Variants in CDK13 observed in about 807,000 individuals in gnomAD.
CDK13 encodes cyclin dependent kinase 13, also known as cyclin-dependent kinase 13.
A neutral mutation model predicts 137.6 loss-of-function variants in CDK13; 40 were observed. That is an observed-to-expected ratio of 0.29 (90% confidence interval 0.23 to 0.38). The LOEUF is 0.38. Ranked by LOEUF, CDK13 falls within the 10% of genes least tolerant of loss-of-function variation. The pLI is 1.00. For missense variants in CDK13, 1,704 were observed against 1,951.8 expected (o/e 0.87, Z 2.39); for synonymous variants, 869 against 760.1 (o/e 1.14, Z -2.36).
At chr7:40,046,278 G>A (rs866907777) in intron 6 of CDK13, among the ~76,000 whole-genome samples, 30 of 151,998 alleles carry the variant, frequency 2.0e-4, no homozygotes, top group Non-Finnish European at 5.9e-5. Context: ...ATAAAGATAC[G>A]GTGTTACATG....
At chr7:39,992,177 T>TGC (rs1182441428) in intron 2 of CDK13, among the ~76,000 whole-genome samples, 8 of 150,300 alleles carry the variant, frequency 5.3e-5, no homozygotes, top group African/African-American at 1.7e-4. Flanking sequence ...TGTGTGTGTG[T>TGC]GTGTGTGTGT....
chr7:39,957,906 CT>C (rs1562696957), intron 1 of CDK13, among the ~76,000 whole-genome samples: 2 of 151,912 alleles, frequency 1.3e-5, no homozygotes, highest in African/African-American at 4.8e-5. Flanking sequence ...TTATTTTGGA[CT>C]TTTTTTGTGT....
chr7:39,999,167 A>G, intron 3 of CDK13, 194 bp from the exon 4 acceptor site: 1 of 422,462 alleles, frequency 2.4e-6, no homozygotes, highest in Admixed American at 4.2e-5. Context: ...AGTATGTAGA[A>G]ATGATACCTC....
At chr7:40,003,216 T>TCG in intron 5 of CDK13, among the ~76,000 whole-genome samples, 1 of 148,046 alleles carries the variant, frequency 6.8e-6, no homozygotes, top group Middle Eastern at 3.4e-3. Flanking sequence ...ACTCTCTCTC[T>TCG]CTCTCTCTCT....
intron 1 of CDK13, among the ~76,000 whole-genome samples, chr7:39,982,876 T>C (rs943978189): frequency 6.6e-6 from 1 of 152,250 alleles, no homozygotes; most frequent in Non-Finnish European, 1.5e-5. Flanking sequence ...TGTTTTTTTC[T>C]TGTAAATTTG....
chr7:40,055,785 T>C (rs1786006925), intron 7 of CDK13, among the ~76,000 whole-genome samples: 1 of 151,972 alleles, frequency 6.6e-6, no homozygotes, highest in African/African-American at 2.4e-5. Context: ...TTTCACCATG[T>C]TGGCCAGGCT....
chr7:39,968,871 C>T (rs1783932967), intron 1 of CDK13, among the ~76,000 whole-genome samples: 1 of 152,200 alleles, frequency 6.6e-6, no homozygotes, highest in African/African-American at 2.4e-5. Flanking sequence ...CCAAACTACT[C>T]TTACTTCTTA....
At chr7:39,966,671 TGGA>T (rs1349267305) in intron 1 of CDK13, among the ~76,000 whole-genome samples, 1 of 152,204 alleles carries the variant, frequency 6.6e-6, no homozygotes, top group Non-Finnish European at 1.5e-5. Flanking sequence ...TGCGTTCCTT[TGGA>T]GGAGGAGAGG....
intron 2 of CDK13, among the ~76,000 whole-genome samples, chr7:39,996,961 C>CAAAAAAAAAAAAAAAAAA (rs72210233): frequency 2.4e-4 from 20 of 83,236 alleles, no homozygotes; most frequent in African/African-American, 1.2e-3. Context: ...GATTCCATCT[C>CAAAAAAAAAAAAAAAAAA]AAAAAAAAAA....
At chr7:40,075,541 A>G (rs1367989789) in intron 9 of CDK13, among the ~76,000 whole-genome samples, 1 of 152,174 alleles carries the variant, frequency 6.6e-6, no homozygotes, top group Non-Finnish European at 1.5e-5. Context: ...TAAGACTATT[A>G]ATGGGCCAGA....
chr7:40,012,928 A>G (rs1301464054), intron 5 of CDK13, among the ~76,000 whole-genome samples: 1 of 143,666 alleles, frequency 7.0e-6, no homozygotes. Flanking sequence ...AAAAAAAAAA[A>G]GGGAAACAGC....
rs1474623694 is a variant in CDK13 at position 40,098,544 on chromosome 7, CCCAGTCTG to C, written c.*3567_*3574del. 3.5e-5 allele frequency: 5 copies of C among 142,892 alleles called. No individual in the cohort carries two copies. The East Asian group carries it at 9.9e-4, about 28-fold the overall frequency. The allele number at this position is 142,892 out of a possible 1,614,324, so 8.9% of individuals were successfully genotyped here. ...CTTTCAATTTTTTTTTTTTTTTTGGCCCAGTCTGCCTTTTGATGTTTTAAAAGTCTGAA... is the reference window on the plus strand; with the variant it reads ...CTTTCAATTTTTTTTTTTTTTTTGGCCCTTTTGATGTTTTAAAAGTCTGAA... On this transcript the variant is annotated 3_prime_UTR_variant, in exon 14 of 14. Coordinates refer to ENST00000181839, the MANE Select transcript of CDK13 (RefSeq NM_003718.5).
chr7:39,969,259 G>A (rs1783942656), intron 1 of CDK13, among the ~76,000 whole-genome samples: 1 of 152,142 alleles, frequency 6.6e-6, no homozygotes, highest in African/African-American at 2.4e-5. Flanking sequence ...TGATCCACCT[G>A]CCTCAGCCTC....
At chr7:40,072,699 A>G (rs1196493176) in intron 9 of CDK13, 1 of 152,254 alleles carries the variant, frequency 6.6e-6, no homozygotes. Flanking sequence ...CTGTTGCTGT[A>G]TATCAGTCTT....
chr7:40,051,836 G>T (rs1785895658), intron 7 of CDK13, among the ~76,000 whole-genome samples: 2 of 152,128 alleles, frequency 1.3e-5, no homozygotes, highest in Admixed American at 1.3e-4. Context: ...AGGGGAAAAT[G>T]ATTTCTTAAA....
At chr7:40,071,417 G>C (rs1372003865) in intron 9 of CDK13, 2 of 152,186 alleles carry the variant, frequency 1.3e-5, no homozygotes, top group Non-Finnish European at 2.9e-5. Context: ...TCATATCTGT[G>C]ATGTGCTGTT....
Position 40,026,602 on chromosome 7 carries a change from A to C in CDK13, c.2354-19234A>C, listed in dbSNP as rs1043494443. Among the ~76,000 whole-genome samples, 7 of 152,340 alleles carry C rather than the reference A, an allele frequency of 4.6e-5. No homozygotes were observed. In the East Asian group the frequency reaches 1.2e-3, roughly 25 times the overall value. On this transcript the variant is annotated intron_variant, in intron 5 of 13. Transcript: ENST00000181839. ...TTAAATAACCTCATAAATAACCATA[A>C]AATTTATTCACTTTGTCTACAAGGT...
At chr7:40,047,715 A>T in intron 6 of CDK13, 106 bp from the exon 7 acceptor site, 1 of 699,406 alleles carries the variant, frequency 1.4e-6, no homozygotes, top group Non-Finnish European at 2.4e-6. Flanking sequence ...GTTAAAGTTT[A>T]CATAGGTTTT....
chr7:39,955,037 C>T (rs1285431719), intron 1 of CDK13, among the ~76,000 whole-genome samples: 1 of 152,136 alleles, frequency 6.6e-6, no homozygotes, highest in Non-Finnish European at 1.5e-5. Context: ...CATTTCTTTT[C>T]ATCAGTTCCC....
Sources: allele counts gnomAD v4.1 joint callset (sites outside exome capture counted in the v4.1 genomes callset), GRCh38; gene constraint gnomAD v4.1.1; transcripts MANE v1.5; gene names NCBI Gene and HGNC (gene_info 2026-07-23, HGNC 2026-07-21).